Variants in SLC36A1 observed in about 807,000 individuals in gnomAD.
SLC36A1 encodes the protein proton-coupled amino acid transporter 1.
In SLC36A1, 30 loss-of-function variants were observed where a neutral mutation model predicts 47.5. That is an observed-to-expected ratio of 0.63 (90% CI 0.47 to 0.86). The LOEUF (loss-of-function observed/expected upper bound fraction) is 0.86, where lower values mean the gene tolerates loss of function less well. Ranked by LOEUF, SLC36A1 falls within the 40% of genes least tolerant of loss-of-function variation. The pLI, the probability that SLC36A1 is intolerant of heterozygous loss-of-function variation, is 0.00. For synonymous variants in SLC36A1, 255 were observed against 249.7 expected (o/e 1.02, Z -0.20); for missense variants, 517 against 606.0 (o/e 0.85, Z 1.54).
In SLC36A1 at chr5:151,473,781, G is replaced by A; in HGVS notation, c.822+10G>A. Reference sequence around the variant, plus strand: ...TGAAGGCATTGGAATGGTAAGAGCTGCACTGTGATTTGGGCTAGTGTTCTC... The same window carrying A: ...TGAAGGCATTGGAATGGTAAGAGCTACACTGTGATTTGGGCTAGTGTTCTC... On this transcript the variant is annotated intron_variant, in intron 8 of 10. Coordinates refer to ENST00000243389, the MANE Select transcript of SLC36A1 (RefSeq NM_078483.4). 6.2e-7 allele frequency: 1 copy of A among 1,603,454 alleles called. No homozygotes were observed. The highest frequency in any genetic ancestry group is 8.5e-7 in the Non-Finnish European group (1 of 1,170,362).
At chr5:151,366,544 T>G in the SLC36A1 span, 1 of 254,606 alleles carries the variant, frequency 3.9e-6, no homozygotes, top group Non-Finnish European at 7.9e-6. Flanking sequence ...GCACTCTGAG[T>G]AGTAGGTAGT....
chr5:151,506,266 A>G, the SLC36A1 span, among the ~76,000 whole-genome samples: 255 of 152,326 alleles, frequency 1.7e-3, no homozygotes, highest in Middle Eastern at 3.4e-3. Context: ...ATAGAATCCA[A>G]TGGGACAAGC....
chr5:151,356,339 CA>C, the SLC36A1 span, among the ~76,000 whole-genome samples: 155 of 51,318 alleles, frequency 3.0e-3, 1 homozygote, highest in Middle Eastern at 0.013. Context: ...CTCTGTCTCA[CA>C]AAAAAAAAAA....
the SLC36A1 span, among the ~76,000 whole-genome samples, chr5:151,506,640 C>T: frequency 6.6e-6 from 1 of 152,224 alleles, no homozygotes; most frequent in South Asian, 2.1e-4. Context: ...GTATTTGACA[C>T]ATAGTGAAAA....
the SLC36A1 span, among the ~76,000 whole-genome samples, chr5:151,538,747 G>A: frequency 3.9e-5 from 6 of 152,182 alleles, no homozygotes; most frequent in Non-Finnish European, 8.8e-5. Context: ...GCACGATCTT[G>A]GCTCACTGCA....
chr5:151,386,406 ACT>A, the SLC36A1 span, among the ~76,000 whole-genome samples: 5 of 152,142 alleles, frequency 3.3e-5, no homozygotes, highest in African/African-American at 1.2e-4. Context: ...GAAGATAATA[ACT>A]CTGACCATTT....
At chr5:151,527,803 T>C in the SLC36A1 span, among the ~76,000 whole-genome samples, 1 of 151,994 alleles carries the variant, frequency 6.6e-6, no homozygotes, top group Admixed American at 6.6e-5. Context: ...GGTTACGGGG[T>C]CACTCAGTCC....
At chr5:151,549,575 T>A in the SLC36A1 span, 1 of 1,335,114 alleles carries the variant, frequency 7.5e-7, no homozygotes, top group Non-Finnish European at 1.1e-6. Flanking sequence ...AGGGTAAGGT[T>A]AATGAACTAG....
chr5:151,443,513 G>T (rs977063473), upstream of SLC36A1, among the ~76,000 whole-genome samples: 1 of 151,982 alleles, frequency 6.6e-6, no homozygotes, highest in African/African-American at 2.4e-5. Flanking sequence ...TTTTAAATTG[G>T]GTTGTTTTTC....
At chr5:151,519,331 G>A in the SLC36A1 span, among the ~76,000 whole-genome samples, 4 of 152,176 alleles carry the variant, frequency 2.6e-5, no homozygotes, top group African/African-American at 7.2e-5. Context: ...GTGACAGAGC[G>A]AGACTTCATC....
chr5:151,506,854 A>G, the SLC36A1 span, among the ~76,000 whole-genome samples: 1 of 152,182 alleles, frequency 6.6e-6, no homozygotes, highest in East Asian at 1.9e-4. Context: ...AATGTGCAGA[A>G]GCCCCCTTCT....
the SLC36A1 span, among the ~76,000 whole-genome samples, chr5:151,500,847 T>G: frequency 1.3e-5 from 2 of 152,218 alleles, no homozygotes; most frequent in Non-Finnish European, 2.9e-5. Context: ...GGGATTTACC[T>G]GAAAACCTTT....
chr5:151,358,537 GTTTAAT>G, the SLC36A1 span, among the ~76,000 whole-genome samples: 18 of 152,218 alleles, frequency 1.2e-4, no homozygotes, highest in African/African-American at 4.3e-4. Flanking sequence ...TACAGGTTTA[GTTTAAT>G]TTAACACTTC....
At chr5:151,516,629 ATTATGTTTATGT>A in the SLC36A1 span, among the ~76,000 whole-genome samples, 2 of 152,176 alleles carry the variant, frequency 1.3e-5, no homozygotes, top group South Asian at 4.1e-4. Flanking sequence ...TTTCTGAGCT[ATTATGTTTATGT>A]TTATTGTCAG....
In SLC36A1 at chr5:151,480,594, C is replaced by T. The variant is rs139103079; in HGVS notation, c.1159+1105C>T. ...TGAAAGCCAGCTGCTGTTCCCACAG[C>T]GACTGAAAAAGAAGGAACATGATGT... is the stretch of plus-strand genomic sequence containing the variant. On this transcript the variant is annotated intron_variant, in intron 10 of 10. Transcript: ENST00000243389. Among the ~76,000 whole-genome samples, 1,267 of 152,248 alleles carry T rather than the reference C, an allele frequency of 8.3e-3. 16 individuals carry two copies. The highest frequency in any genetic ancestry group is 0.028 in the African/African-American group (1,181 of 41,528).
chr5:151,356,339 C>CAAAAAAAAAAAAAAA, the SLC36A1 span, among the ~76,000 whole-genome samples: 346 of 51,116 alleles, frequency 6.8e-3, 7 homozygotes, highest in Non-Finnish European at 9.1e-3. Flanking sequence ...CTCTGTCTCA[C>CAAAAAAAAAAAAAAA]AAAAAAAAAA....
At chr5:151,532,336 A>G in the SLC36A1 span, among the ~76,000 whole-genome samples, 1 of 152,176 alleles carries the variant, frequency 6.6e-6, no homozygotes, top group African/African-American at 2.4e-5. Flanking sequence ...GGTGTTGGTT[A>G]CAAGAATCTA....
the SLC36A1 span, among the ~76,000 whole-genome samples, chr5:151,525,211 G>T: frequency 7.2e-5 from 11 of 152,182 alleles, no homozygotes; most frequent in African/African-American, 2.7e-4. Flanking sequence ...AAAGAGATTT[G>T]GAGAAATAAA....
the SLC36A1 span, chr5:151,517,917 T>C: frequency 1.1e-6 from 1 of 928,648 alleles, no homozygotes. Flanking sequence ...GGGTGTGCCA[T>C]ACCTTTCTAG....
Sources: gnomAD v4.1 joint callset for allele counts (sites outside exome capture counted in the v4.1 genomes callset) on GRCh38, gnomAD v4.1.1 for gene constraint, MANE v1.5 for transcripts, NCBI Gene and HGNC (gene_info 2026-07-23, HGNC 2026-07-21) for gene names.